Variants in SCMH1 observed in about 807,000 individuals in gnomAD.
SCMH1 encodes polycomb protein SCMH1.
Under a neutral mutation model 70.8 loss-of-function variants are expected in SCMH1, and 37 were observed. The observed-to-expected ratio is 0.52, with a 90% CI of 0.40 to 0.69. SCMH1 has a LOEUF of 0.69. Among genes scored for constraint, SCMH1 ranks in the 30% least tolerant of loss-of-function variants. SCMH1 has a pLI of 0.00. For missense variants in SCMH1, 607 were observed against 827.3 expected, an observed-to-expected ratio of 0.73 and a Z score of 3.27; for synonymous variants, 292 against 307.4, an observed-to-expected ratio of 0.95 and a Z score of 0.52.
intron 6 of SCMH1, among the ~76,000 whole-genome samples, chr1:41,122,023 A>G (rs1315002056): frequency 6.6e-6 from 1 of 152,216 alleles, no homozygotes; most frequent in Admixed American, 6.5e-5. Context: ...GCCAGAGTCA[A>G]ACTTTGCCTA....
intron 8 of SCMH1, among the ~76,000 whole-genome samples, chr1:41,083,400 T>C (rs1350868430): frequency 2.0e-5 from 3 of 152,226 alleles, no homozygotes; most frequent in African/African-American, 7.2e-5. Context: ...ATAAAATACC[T>C]AGGAATCCAA....
chr1:41,038,487 T>A (rs1197283557), intron 12 of SCMH1, among the ~76,000 whole-genome samples: 11 of 152,206 alleles, frequency 7.2e-5, no homozygotes, highest in Admixed American at 3.3e-4. Flanking sequence ...TTGGGATTCA[T>A]TCGGAGCCTC....
intron 8 of SCMH1, among the ~76,000 whole-genome samples, chr1:41,092,925 G>T (rs910741883): frequency 3.9e-5 from 6 of 152,128 alleles, no homozygotes; most frequent in African/African-American, 1.4e-4. Flanking sequence ...ACTACTGGTG[G>T]GACTGTAAAC....
At chr1:41,115,554 C>T (rs963735517) in intron 7 of SCMH1, among the ~76,000 whole-genome samples, 2 of 152,178 alleles carry the variant, frequency 1.3e-5, no homozygotes, top group African/African-American at 4.8e-5. Flanking sequence ...TCTTCCACCT[C>T]GGTCTCCCAA....
chr1:41,138,188 A>G (rs1314379644), intron 6 of SCMH1, among the ~76,000 whole-genome samples: 4 of 152,182 alleles, frequency 2.6e-5, no homozygotes, highest in African/African-American at 9.7e-5. Flanking sequence ...TTTACCTTGT[A>G]AAAGACTTGG....
In SCMH1 at chr1:41,034,075, C is replaced by T. The variant is rs1489264626; in HGVS notation, c.1678+3287G>A. ...TGTGGAAAGACCAGGTTGGTGTCAC[C>T]ATCTCCAGTTTGCACATGAGGAACA... On this transcript the variant is annotated intron_variant, in intron 13 of 14. Coordinates refer to ENST00000337495, the Ensembl canonical transcript of SCMH1. 4 of 1,589,790 alleles carry T rather than the reference C, an allele frequency of 2.5e-6. No homozygotes were observed. In the South Asian group the frequency reaches 3.4e-5, roughly 14 times the overall value.
chr1:41,111,176 C>A (rs1669158284), intron 8 of SCMH1, among the ~76,000 whole-genome samples: 1 of 152,162 alleles, frequency 6.6e-6, no homozygotes, highest in Non-Finnish European at 1.5e-5. Flanking sequence ...ATTCTGGATA[C>A]AAGTCCAAGT....
intron 8 of SCMH1, among the ~76,000 whole-genome samples, chr1:41,091,182 A>AC (rs1480846156): frequency 6.6e-6 from 1 of 152,168 alleles, no homozygotes; most frequent in Non-Finnish European, 1.5e-5. Context: ...AAAAGCTTAT[A>AC]CATCATGATC....
chr1:41,168,826 CT>C (rs1193678044), intron 2 of SCMH1, among the ~76,000 whole-genome samples: 11 of 152,220 alleles, frequency 7.2e-5, no homozygotes, highest in Middle Eastern at 3.4e-3. Flanking sequence ...ACTGCTGTCT[CT>C]TTTTTGATGG....
intron 4 of SCMH1, among the ~76,000 whole-genome samples, chr1:41,155,375 T>C (rs879341073): frequency 1.3e-5 from 2 of 152,126 alleles, no homozygotes; most frequent in Non-Finnish European, 2.9e-5. Flanking sequence ...ACTGGTGATA[T>C]ATAGCAAAAT....
chr1:41,043,589 A>ATT (rs71062570), intron 12 of SCMH1: 10,251 of 135,156 alleles, frequency 0.076, 514 homozygotes, highest in South Asian at 0.12. Flanking sequence ...CGCCCGGCTA[A>ATT]TTTTTTTTTT....
intron 2 of SCMH1, among the ~76,000 whole-genome samples, chr1:41,161,770 G>C (rs759723094): frequency 1.8e-4 from 27 of 152,196 alleles, no homozygotes; most frequent in Non-Finnish European, 2.6e-4. Context: ...GTAAAATATG[G>C]GGATAAAAAT....
Position 41,142,862 on chromosome 1 carries a change from G to T in SCMH1, c.412+16C>A. 1 of 1,592,654 alleles carries T rather than the reference G, an allele frequency of 6.3e-7. No homozygotes were observed. The highest frequency in any genetic ancestry group is 1.1e-5 in the South Asian group (1 of 90,652). ...ATTAATAATTGGCTAGAAAGAGTTTGGGTTTACTTACTCACCAAGAGGTGG... is the reference window on the plus strand; with the variant it reads ...ATTAATAATTGGCTAGAAAGAGTTTTGGTTTACTTACTCACCAAGAGGTGG... On this transcript the variant is annotated intron_variant, in intron 6 of 14. Coordinates refer to ENST00000337495, the Ensembl canonical transcript of SCMH1.
intron 8 of SCMH1, among the ~76,000 whole-genome samples, chr1:41,089,787 C>CTCTTTTTT (rs1240914488): frequency 6.8e-5 from 4 of 58,756 alleles, no homozygotes; most frequent in African/African-American, 1.5e-4. Context: ...CATGTTGTCT[C>CTCTTTTTT]TTTTTTTTTT....
chr1:41,158,724 G>C (rs1173345867), intron 4 of SCMH1, among the ~76,000 whole-genome samples: 1 of 152,162 alleles, frequency 6.6e-6, no homozygotes, highest in Non-Finnish European at 1.5e-5. Context: ...GTAGTGTAAA[G>C]AATGGGCAGG....
In SCMH1 at chr1:41,028,318, T is replaced by C. The variant is rs780713552; in HGVS notation, c.1823A>G (p.Glu608Gly). 250 of 1,388,540 alleles carry C rather than the reference T, an allele frequency of 1.8e-4. No homozygotes were observed. The highest frequency in any genetic ancestry group is 2.4e-4 in the Non-Finnish European group (238 of 988,704). 86.0% of individuals were successfully genotyped at this position (1,388,540 alleles called of 1,614,324 possible). Residue 608 changes from glutamate to glycine, a missense_variant and splice_region_variant, in exon 15 of 15, where the codon GAG becomes GGG. By Grantham distance (98) the Glu-to-Gly change is moderately conservative. Around this residue, in one of 3 missense-constraint regions of SCMH1, gnomAD observed 430 missense variants for 528.2 expected, o/e 0.81. Coordinates refer to ENST00000337495, the Ensembl canonical transcript of SCMH1. Reference sequence around the variant, plus strand: ...CAGCAGCAGGGCCTTGCCATCGATCTCCTGGGGGGTGGGGAGGTGGGCAGA... The same window carrying C: ...CAGCAGCAGGGCCTTGCCATCGATCCCCTGGGGGGTGGGGAGGTGGGCAGA...
At chr1:41,145,212 C>T (rs1446231888) in intron 5 of SCMH1, among the ~76,000 whole-genome samples, 1 of 152,102 alleles carries the variant, frequency 6.6e-6, no homozygotes, top group East Asian at 1.9e-4. Context: ...TTAACTCTTA[C>T]ATTTAGGTCC....
chr1:41,140,721 G>A (rs540907126), intron 6 of SCMH1, among the ~76,000 whole-genome samples: 1 of 152,244 alleles, frequency 6.6e-6, no homozygotes, highest in African/African-American at 2.4e-5. Flanking sequence ...AATAAAAGGA[G>A]CCCAGGAACC....
At chr1:41,165,501 G>A (rs577013521) in intron 2 of SCMH1, among the ~76,000 whole-genome samples, 19 of 152,120 alleles carry the variant, frequency 1.2e-4, no homozygotes, top group Admixed American at 3.9e-4. Context: ...TGTGATATCC[G>A]TAACAGTGTA....
Sources: allele counts gnomAD v4.1 joint callset (sites outside exome capture counted in the v4.1 genomes callset), GRCh38; gene constraint gnomAD v4.1.1; regional missense constraint gnomAD v4.1.1; transcripts MANE v1.5; gene names NCBI Gene and HGNC (gene_info 2026-07-23, HGNC 2026-07-21).